The following TTC39B variants were observed in gnomAD, a reference collection of about 807,000 sequenced individuals.
The protein encoded by TTC39B is tetratricopeptide repeat domain 39B.
Under a neutral mutation model 96.6 loss-of-function variants are expected in TTC39B, and 92 were observed. The observed-to-expected ratio is 0.95, with a 90% CI of 0.80 to 1.13. TTC39B has a LOEUF of 1.13. Among genes scored for constraint, TTC39B ranks in the 50% most tolerant of loss-of-function variants. The probability of loss-of-function intolerance (pLI) is 0.00; values close to 1 mark genes in which losing one functional copy is unlikely to be tolerated. For missense variants in TTC39B, 955 were observed against 809.3 expected (o/e 1.18, Z -2.18); for synonymous variants, 367 against 299.4 (o/e 1.23, Z -2.33).
chr9:15,276,672 A>G (rs1198931286), intron 1 of TTC39B, among the ~76,000 whole-genome samples: 1 of 152,172 alleles, frequency 6.6e-6, no homozygotes, highest in African/African-American at 2.4e-5. Context: ...TGTGTAGTAG[A>G]GCGGAAAGCA....
At chr9:15,184,367 C>T (rs554947402) in intron 16 of TTC39B, among the ~76,000 whole-genome samples, 81 of 148,444 alleles carry the variant, frequency 5.5e-4, no homozygotes, top group Non-Finnish European at 7.1e-4. Context: ...ATTGTAAAAA[C>T]TGGAAAAATC....
At chr9:15,284,306 G>C (rs1823875530) in intron 1 of TTC39B, among the ~76,000 whole-genome samples, 1 of 152,184 alleles carries the variant, frequency 6.6e-6, no homozygotes, top group African/African-American at 2.4e-5. Flanking sequence ...ATTACAGTCT[G>C]TTTAGAAGTC....
chr9:15,263,119 T>C (rs1188695572), intron 2 of TTC39B, among the ~76,000 whole-genome samples: 1 of 152,204 alleles, frequency 6.6e-6, no homozygotes, highest in African/African-American at 2.4e-5. Flanking sequence ...GCTTGCCAAC[T>C]GCAGAACTGG....
Position 15,248,637 on chromosome 9 carries a change from G to GA in TTC39B, c.275+19276dup, listed in dbSNP as rs1822392501. On this transcript the variant is annotated intron_variant, in intron 2 of 19. Coordinates refer to ENST00000512701, the Ensembl canonical transcript of TTC39B. ...GAATGAATGAATGAATGAATGAAAT[G>GA]AATGAACGAATATAAGATCTTTGCA... 2.0e-5 allele frequency among the ~76,000 whole-genome samples: 3 copies of GA among 150,740 alleles called. No homozygotes were observed. In the South Asian group the frequency reaches 6.3e-4, roughly 32 times the overall value.
intron 15 of TTC39B, 143 bp from the exon 16 acceptor site, chr9:15,185,549 C>T (rs1588858260): frequency 7.5e-7 from 1 of 1,329,164 alleles, no homozygotes; most frequent in East Asian, 2.5e-5. Context: ...TGCCAATTTT[C>T]AGGCCCTACT....
chr9:15,253,650 C>A (rs1469541646), intron 2 of TTC39B, among the ~76,000 whole-genome samples: 2 of 152,324 alleles, frequency 1.3e-5, no homozygotes, highest in African/African-American at 4.8e-5. Flanking sequence ...CTGCTTATGT[C>A]CCTTTGCCAA....
At chr9:15,250,323 A>T (rs552619202) in intron 2 of TTC39B, 1 of 558,274 alleles carries the variant, frequency 1.8e-6, no homozygotes, top group East Asian at 1.5e-4. Flanking sequence ...GGAACATACA[A>T]ATGGCCTGGA....
chr9:15,213,326 C>A (rs940554823), intron 4 of TTC39B, among the ~76,000 whole-genome samples: 4 of 152,158 alleles, frequency 2.6e-5, no homozygotes, highest in Non-Finnish European at 4.4e-5. Flanking sequence ...CCTTAGACTA[C>A]AGGGCTTCAT....
intron 3 of TTC39B, among the ~76,000 whole-genome samples, chr9:15,221,647 T>C (rs536224154): frequency 3.1e-4 from 47 of 152,324 alleles, no homozygotes; most frequent in African/African-American, 1.1e-3. Flanking sequence ...AGCAGAGTTC[T>C]GACCCAGAGC....
chr9:15,211,850 A>G (rs777154095), intron 4 of TTC39B, among the ~76,000 whole-genome samples: 1 of 152,226 alleles, frequency 6.6e-6, no homozygotes, highest in Non-Finnish European at 1.5e-5. Flanking sequence ...GCCAAGAGCA[A>G]ACAAGATTTT....
At chr9:15,239,835 C>T (rs1170575861) in intron 2 of TTC39B, among the ~76,000 whole-genome samples, 5 of 152,152 alleles carry the variant, frequency 3.3e-5, no homozygotes, top group Admixed American at 2.0e-4. Flanking sequence ...GATGAGTACA[C>T]TAGAAGCTCA....
chr9:15,250,045 AC>A (rs1822463659), intron 2 of TTC39B: 1 of 1,284,880 alleles, frequency 7.8e-7, no homozygotes, highest in African/African-American at 1.5e-5. Context: ...TTTAGAGCCA[AC>A]AAAAATCCTC....
chr9:15,187,110 C>T, intron 14 of TTC39B, 75 bp from the exon 15 acceptor site: 1 of 1,038,736 alleles, frequency 9.6e-7, no homozygotes, highest in South Asian at 1.8e-5. Flanking sequence ...TCAGGAATGA[C>T]CAACAAGTCT....
chr9:15,188,436 G>C (rs1039503302), intron 13 of TTC39B, among the ~76,000 whole-genome samples: 7 of 152,128 alleles, frequency 4.6e-5, no homozygotes, highest in African/African-American at 1.7e-4. Context: ...AACTTCCATA[G>C]GACAAAACAC....
At position 15,265,078 on chromosome 9, in the gene TTC39B, G is replaced by T. The variant is rs1312050986; in HGVS notation, c.275+2836C>A. Among the ~76,000 whole-genome samples, 3 of 152,164 alleles carry T rather than the reference G, an allele frequency of 2.0e-5. No homozygotes were observed. The South Asian group carries it at 6.2e-4, about 32-fold the overall frequency. ...TGTTTCCCTCATGGACCTAACAAAT[G>T]GTGCTGGAATAGTGGGCTAGCAATT... On this transcript the variant is annotated intron_variant, in intron 2 of 19. Coordinates refer to ENST00000512701, the Ensembl canonical transcript of TTC39B.
intron 8 of TTC39B, among the ~76,000 whole-genome samples, chr9:15,198,718 G>A (rs1449396064): frequency 1.3e-5 from 2 of 151,774 alleles, no homozygotes; most frequent in African/African-American, 4.8e-5. Context: ...ATGAGGCAAA[G>A]AGAAAAAGCA....
intron 8 of TTC39B, among the ~76,000 whole-genome samples, chr9:15,196,490 T>A (rs1320730770): frequency 6.6e-6 from 1 of 152,058 alleles, no homozygotes; most frequent in East Asian, 1.9e-4. Context: ...TTCTGAGGGG[T>A]TCAAGACTTC....
exon 20 of TTC39B, chr9:15,170,111 GA>G (rs1365334953): frequency 1.0e-5 from 1 of 98,120 alleles, no homozygotes; most frequent in African/African-American, 4.3e-5. Context: ...TAATTATAAT[GA>G]CAGTTAATTT....
Position 15,291,123 on chromosome 9 carries a change from C to T in TTC39B, c.240+15961G>A, listed in dbSNP as rs140385960. Among the ~76,000 whole-genome samples, 3 of 152,286 alleles carry T rather than the reference C, an allele frequency of 2.0e-5. No homozygotes were observed. The East Asian group carries it at 5.8e-4, about 29-fold the overall frequency. On this transcript the variant is annotated intron_variant, in intron 1 of 19. Coordinates refer to ENST00000512701, the Ensembl canonical transcript of TTC39B. ...GCTGCTTTCTATGGTGAAGAAGGGCCACCCTCTCTTGTGGAAACACATTGT... is the reference window on the plus strand; with the variant it reads ...GCTGCTTTCTATGGTGAAGAAGGGCTACCCTCTCTTGTGGAAACACATTGT...
Sources: gnomAD v4.1 joint callset for allele counts (sites outside exome capture counted in the v4.1 genomes callset) on GRCh38, gnomAD v4.1.1 for gene constraint, MANE v1.5 for transcripts, NCBI Gene and HGNC (gene_info 2026-07-23, HGNC 2026-07-21) for gene names.